The following CCDC60 variants were observed in gnomAD, a reference collection of about 807,000 sequenced individuals.
CCDC60 encodes coiled-coil domain-containing protein 60.
Under a neutral mutation model 63.5 loss-of-function variants are expected in CCDC60, and 54 were observed. That is an observed-to-expected ratio of 0.85 (90% CI 0.68 to 1.07). CCDC60 has a LOEUF of 1.07. CCDC60 is among the 50% of genes least tolerant of loss of function. CCDC60 has a pLI of 0.00. For synonymous variants in CCDC60, 206 were observed against 238.8 expected (o/e 0.86, Z 1.27); for missense variants, 651 against 684.3 (o/e 0.95, Z 0.54).
At chr12:119,484,790 C>A (rs2136362776) in intron 4 of CCDC60, among the ~76,000 whole-genome samples, 1 of 152,288 alleles carries the variant, frequency 6.6e-6, no homozygotes, top group South Asian at 2.1e-4. Context: ...TCATTCCCAC[C>A]ATTTTCCATC....
At chr12:119,409,101 C>T (rs982719377) in intron 1 of CCDC60, among the ~76,000 whole-genome samples, 1 of 152,086 alleles carries the variant, frequency 6.6e-6, no homozygotes, top group African/African-American at 2.4e-5. Flanking sequence ...AGTGTGAGTA[C>T]CAGGAGGTGG....
intron 1 of CCDC60, among the ~76,000 whole-genome samples, chr12:119,362,510 A>G (rs1214211789): frequency 1.3e-5 from 2 of 152,220 alleles, no homozygotes; most frequent in African/African-American, 4.8e-5. Context: ...TAATGAAATC[A>G]TAGGGTATAT....
In CCDC60 at chr12:119,456,001, G is replaced by GAAAGAGAAAGAAAAAGAA. The variant is rs747663726; in HGVS notation, c.171-15992_171-15991insAAGAGAAAGAAAAAGAAA. Among the ~76,000 whole-genome samples the GAAAGAGAAAGAAAAAGAA allele has an allele frequency of 4.9e-4, 25 of 51,112 alleles. 1 individual carries two copies. Among genetic ancestry groups the GAAAGAGAAAGAAAAAGAA allele is most frequent in the African/African-American group, 2.1e-3 (22 of 10,266 alleles). The allele number at this position is 51,112 out of a possible 152,430, so 33.5% of individuals were successfully genotyped here. A position where few individuals can be genotyped will look rare whatever the true frequency, so the allele number is the denominator to read the frequency against. On this transcript the variant is annotated intron_variant, in intron 2 of 13. Coordinates refer to ENST00000327554, the MANE Select transcript of CCDC60 (RefSeq NM_178499.5). This position sits in a 1 kb window ranked among gnomAD's most constrained non-coding sequence, Gnocchi z 4.6. ...AGGGAGAGAGAAAGAGAGAGAGAAA[G>GAAAGAGAAAGAAAAAGAA]AGAAAGAAAGAAAGAAAGAAAGAAA...
intron 1 of CCDC60, among the ~76,000 whole-genome samples, chr12:119,362,501 A>C (rs1955800968): frequency 2.0e-5 from 3 of 152,198 alleles, no homozygotes; most frequent in Non-Finnish European, 4.4e-5. Flanking sequence ...ATCTTCATGT[A>C]ATGAAATCAT....
intron 1 of CCDC60, among the ~76,000 whole-genome samples, chr12:119,374,940 G>C (rs1241155905): frequency 1.3e-5 from 2 of 152,144 alleles, no homozygotes; most frequent in African/African-American, 4.8e-5. Context: ...AGAGGTTACT[G>C]TCATTGCCAT....
At chr12:119,337,294 G>A (rs377182422) in intron 1 of CCDC60, among the ~76,000 whole-genome samples, 312 of 152,310 alleles carry the variant, frequency 2.0e-3, no homozygotes, top group African/African-American at 7.3e-3. Flanking sequence ...ATGAATGAGG[G>A]AAAGAATGAA....
chr12:119,337,339 A>G (rs1955482170), intron 1 of CCDC60, among the ~76,000 whole-genome samples: 1 of 152,238 alleles, frequency 6.6e-6, no homozygotes, highest in African/African-American at 2.4e-5. Context: ...GAGGGTGAAC[A>G]TCAGAGCGGG....
Position 119,507,569 on chromosome 12 carries a change from T to C in CCDC60, c.883+2266T>C, listed in dbSNP as rs1321121581. Among the ~76,000 whole-genome samples, 62 of 57,494 alleles carry C rather than the reference T, an allele frequency of 1.1e-3. 1 individual carries two copies. The highest frequency in any genetic ancestry group is 1.3e-3 in the Non-Finnish European group (47 of 35,126). The allele number at this position is 57,494 out of a possible 152,430, so 37.7% of individuals were successfully genotyped here. On this transcript the variant is annotated intron_variant, in intron 7 of 13. Transcript: ENST00000327554. ...ATATATACATATATATATATATATA[T>C]GTATATATACACATATATATACATA...
intron 13 of CCDC60, among the ~76,000 whole-genome samples, chr12:119,536,189 T>G (rs1442201000): frequency 2.0e-5 from 3 of 152,230 alleles, no homozygotes; most frequent in Admixed American, 6.5e-5. Flanking sequence ...TTGTCTCTTT[T>G]GATCTTTGTT....
intron 9 of CCDC60, 72 bp downstream of exon 9, chr12:119,520,264 G>A (rs889825436): frequency 2.0e-5 from 24 of 1,223,772 alleles, no homozygotes; most frequent in African/African-American, 1.7e-4. Context: ...CTGCAGGGAT[G>A]CTCCTCCCCA....
At chr12:119,452,015 G>T (rs988684168) in intron 2 of CCDC60, among the ~76,000 whole-genome samples, 2 of 152,276 alleles carry the variant, frequency 1.3e-5, no homozygotes, top group Admixed American at 1.3e-4. Context: ...CCCACAATGC[G>T]CCAAAGGGAT....
chr12:119,511,955 G>T (rs1284181093), intron 7 of CCDC60, among the ~76,000 whole-genome samples: 1 of 152,092 alleles, frequency 6.6e-6, no homozygotes, highest in African/African-American at 2.4e-5. Context: ...GGCATGACAA[G>T]ACAAAAATAA....
intron 1 of CCDC60, among the ~76,000 whole-genome samples, chr12:119,376,276 C>G (rs895056525): frequency 6.6e-6 from 1 of 152,192 alleles, no homozygotes; most frequent in African/African-American, 2.4e-5. Flanking sequence ...TCCTTGATCA[C>G]TTTGATCCCT....
chr12:119,473,996 T>C (rs1027386943), intron 3 of CCDC60, among the ~76,000 whole-genome samples: 5 of 152,224 alleles, frequency 3.3e-5, no homozygotes, highest in African/African-American at 1.2e-4. Context: ...GTAGTGGGAT[T>C]GCTGGATCAA....
At chr12:119,342,556 T>A (rs1405911599) in intron 1 of CCDC60, among the ~76,000 whole-genome samples, 1 of 152,120 alleles carries the variant, frequency 6.6e-6, no homozygotes, top group Non-Finnish European at 1.5e-5. Flanking sequence ...GTCATCCCTA[T>A]CCCCTACCCT....
chr12:119,434,607 G>A (rs1950292805), intron 2 of CCDC60, among the ~76,000 whole-genome samples: 1 of 152,238 alleles, frequency 6.6e-6, no homozygotes, highest in Non-Finnish European at 1.5e-5. Context: ...TCAGACAAGA[G>A]TTGTTTATAA....
intron 1 of CCDC60, among the ~76,000 whole-genome samples, chr12:119,367,069 G>A (rs561592373): frequency 6.6e-6 from 1 of 152,264 alleles, no homozygotes; most frequent in South Asian, 2.1e-4. Flanking sequence ...CTGACCTCAA[G>A]TGATCCACCC....
At chr12:119,438,563 C>CT (rs369391682) in intron 2 of CCDC60, among the ~76,000 whole-genome samples, 11 of 152,300 alleles carry the variant, frequency 7.2e-5, no homozygotes, top group African/African-American at 2.6e-4. Context: ...ACCTCAGTTA[C>CT]TTTATCTATG....
intron 1 of CCDC60, among the ~76,000 whole-genome samples, chr12:119,398,046 G>C (rs1394406030): frequency 6.8e-5 from 5 of 73,150 alleles, no homozygotes; most frequent in Non-Finnish European, 1.1e-4. Context: ...GGGGCAGCGG[G>C]GGGGGAGGAA....
Sources: gnomAD v4.1 joint callset for allele counts (sites outside exome capture counted in the v4.1 genomes callset) on GRCh38, gnomAD v4.1.1 for gene constraint, Gnocchi (gnomAD v3.1) non-coding constraint, MANE v1.5 for transcripts, NCBI Gene and HGNC (gene_info 2026-07-23, HGNC 2026-07-21) for gene names.